The following BBS9 variants were observed in gnomAD, a reference collection of about 807,000 sequenced individuals.
The protein encoded by BBS9 is protein PTHB1.
Under a neutral mutation model 117.7 loss-of-function variants are expected in BBS9, and 89 were observed. The ratio of observed to expected loss-of-function variants is 0.76; its 90% confidence interval spans 0.64 to 0.90. The LOEUF is 0.90. Among genes scored for constraint, BBS9 ranks in the 40% least tolerant of loss-of-function variants. The pLI, the probability that BBS9 is intolerant of heterozygous loss-of-function variation, is 0.00. For missense variants in BBS9, 982 were observed against 1,042.2 expected, an observed-to-expected ratio of 0.94 and a Z score of 0.80; for synonymous variants, 379 against 370.9, an observed-to-expected ratio of 1.02 and a Z score of -0.25.
At chr7:33,172,753 T>C (rs566320095) in intron 4 of BBS9, among the ~76,000 whole-genome samples, 2 of 152,182 alleles carry the variant, frequency 1.3e-5, no homozygotes, top group South Asian at 4.1e-4. Context: ...AACTCTTAGG[T>C]ACAACAACAA....
rs536890580 is a variant in BBS9, at chr7:33,290,658, T to C, written c.1016+16702T>C. 7.2e-5 allele frequency among the ~76,000 whole-genome samples: 11 copies of C among 152,342 alleles called. No individual in the cohort carries two copies. In the East Asian group the frequency reaches 1.3e-3, roughly 19 times the overall value. On this transcript the variant is annotated intron_variant, in intron 9 of 22. Coordinates refer to ENST00000242067, the MANE Select transcript of BBS9 (RefSeq NM_198428.3). The stretch of plus-strand genomic sequence containing the variant: ...AATTTTTAAAAAATTTTTTAGTGTG[T>C]GTAGCATAGTGATATGATAGAAGTA...
chr7:33,468,806 C>G (rs1419909), intron 19 of BBS9, among the ~76,000 whole-genome samples: 115,520 of 152,088 alleles, frequency 0.76, 44,457 homozygotes, highest in African/African-American at 0.88. Flanking sequence ...GTCCCCCCAG[C>G]CTCAGCTATG....
At chr7:33,227,290 G>A (rs958390644) in intron 5 of BBS9, among the ~76,000 whole-genome samples, 1 of 151,706 alleles carries the variant, frequency 6.6e-6, no homozygotes, top group African/African-American at 2.4e-5. Flanking sequence ...TGGGATTACA[G>A]GCACACGCCA....
intron 21 of BBS9, among the ~76,000 whole-genome samples, chr7:33,546,925 T>G (rs1853471024): frequency 6.6e-6 from 1 of 152,162 alleles, no homozygotes; most frequent in Admixed American, 6.5e-5. Flanking sequence ...AGATGTTGGA[T>G]TGTATTCTAT....
chr7:33,425,457 A>G (rs940287897), intron 19 of BBS9, among the ~76,000 whole-genome samples: 2 of 152,180 alleles, frequency 1.3e-5, no homozygotes, highest in Admixed American at 6.5e-5. Context: ...TCACCTAGGT[A>G]TTAAGCCCAG....
At chr7:33,632,991 C>T (rs1391847437) in intron 21 of BBS9, among the ~76,000 whole-genome samples, 1 of 152,074 alleles carries the variant, frequency 6.6e-6, no homozygotes. Flanking sequence ...GAGTGGTCGG[C>T]ACTCTAACCC....
chr7:33,275,073 T>G (rs1338410908), intron 9 of BBS9, among the ~76,000 whole-genome samples: 1 of 151,860 alleles, frequency 6.6e-6, no homozygotes. Flanking sequence ...TGGAGTTGTT[T>G]TCTCCTATTA....
chr7:33,241,393 G>C (rs1178225453), intron 5 of BBS9, among the ~76,000 whole-genome samples: 9 of 152,058 alleles, frequency 5.9e-5, no homozygotes, highest in Non-Finnish European at 1.0e-4. Context: ...AGGTATCTAA[G>C]GGATGATTTA....
At chr7:33,504,607 G>T (rs1845893273) in intron 19 of BBS9, among the ~76,000 whole-genome samples, 1 of 152,088 alleles carries the variant, frequency 6.6e-6, no homozygotes, top group African/African-American at 2.4e-5. Context: ...CTGTTCTGGG[G>T]ACTGTCAGAC....
At chr7:33,635,199 C>T (rs76100917) in exon 22 of BBS9, among the ~76,000 whole-genome samples, 9,711 of 138,874 alleles carry the variant, frequency 0.07, 1,018 homozygotes, top group East Asian at 0.41. Flanking sequence ...GACAGAGGAT[C>T]GAGGCCTGGA....
Position 33,459,150 on chromosome 7 carries a change from T to C in BBS9, c.2116-46313T>C, listed in dbSNP as rs374819948. Among the ~76,000 whole-genome samples, 22 of 152,206 alleles carry C rather than the reference T, an allele frequency of 1.4e-4. No homozygotes were observed. In the East Asian group the frequency reaches 1.7e-3, roughly 12 times the overall value. ...CACTCAAGAAGACAAAACGAACTCCTTTCCATTGAGATCCCTCTTCCCTTT... is the reference window on the plus strand; with the variant it reads ...CACTCAAGAAGACAAAACGAACTCCCTTCCATTGAGATCCCTCTTCCCTTT... On this transcript the variant is annotated intron_variant, in intron 19 of 22. Transcript: ENST00000242067.
At chr7:33,596,314 G>T (rs931114820) in intron 21 of BBS9, among the ~76,000 whole-genome samples, 3 of 148,538 alleles carry the variant, frequency 2.0e-5, no homozygotes, top group Admixed American at 1.3e-4. Flanking sequence ...ATATGTGTGT[G>T]TGACTATTGA....
chr7:33,611,034 T>A (rs1174731190), downstream of BBS9, among the ~76,000 whole-genome samples: 1 of 152,094 alleles, frequency 6.6e-6, no homozygotes, highest in African/African-American at 2.4e-5. Context: ...AGATAAAAAG[T>A]TCACAGCAAG....
intron 9 of BBS9, among the ~76,000 whole-genome samples, chr7:33,313,930 AG>A (rs1385018168): frequency 2.0e-5 from 3 of 152,158 alleles, no homozygotes; most frequent in African/African-American, 7.2e-5. Context: ...CAGGAAACTG[AG>A]GTTCTAGGTT....
intron 9 of BBS9, among the ~76,000 whole-genome samples, chr7:33,323,833 C>CTTTTTTT (rs1227126451): frequency 7.6e-5 from 8 of 105,162 alleles, no homozygotes; most frequent in Non-Finnish European, 1.3e-4. Flanking sequence ...TCCTGTCTTC[C>CTTTTTTT]TTTTTTTTTT....
chr7:33,583,445 C>A (rs1189430695), intron 21 of BBS9, among the ~76,000 whole-genome samples: 2 of 151,860 alleles, frequency 1.3e-5, no homozygotes, highest in Non-Finnish European at 2.9e-5. Flanking sequence ...ACATTGGATT[C>A]TTGATATTTG....
At chr7:33,344,732 A>G (rs1402122397) in intron 12 of BBS9, 98 bp downstream of exon 12, 1 of 1,241,360 alleles carries the variant, frequency 8.1e-7, no homozygotes. Context: ...ACAGAAATGT[A>G]AAATAAACAC....
intron 1 of BBS9, among the ~76,000 whole-genome samples, chr7:33,132,280 G>C (rs1420281835): frequency 6.6e-6 from 1 of 152,152 alleles, no homozygotes; most frequent in African/African-American, 2.4e-5. Context: ...GAGACCACTG[G>C]CACGGATTTC....
chr7:33,490,967 T>C (rs529508709), intron 19 of BBS9, among the ~76,000 whole-genome samples: 5 of 152,264 alleles, frequency 3.3e-5, no homozygotes, highest in African/African-American at 1.2e-4. Context: ...GTCAGCATCT[T>C]AAACCACCAG....
Sources: gnomAD v4.1 joint callset for allele counts (sites outside exome capture counted in the v4.1 genomes callset) on GRCh38, gnomAD v4.1.1 for gene constraint, MANE v1.5 for transcripts, NCBI Gene and HGNC (gene_info 2026-07-23, HGNC 2026-07-21) for gene names.